FRMPD4: variants seen among roughly 807,000 people sequenced by gnomAD.
FRMPD4 encodes the protein FERM and PDZ domain containing 4.
In FRMPD4, 22 loss-of-function variants were observed where a neutral mutation model predicts 94.1. The ratio of observed to expected loss-of-function variants is 0.23; its 90% confidence interval spans 0.17 to 0.33. The LOEUF is 0.33. Ranked by LOEUF, FRMPD4 falls within the 10% of genes least tolerant of loss-of-function variation. FRMPD4 has a pLI of 1.00. For missense variants in FRMPD4, 1,111 were observed against 1,339.9 expected (o/e 0.83, Z 2.67); for synonymous variants, 631 against 548.6 (o/e 1.15, Z -2.10).
At chrX:11,986,092 C>T (rs1380442130) in intron 3 of FRMPD4, among the ~76,000 whole-genome samples, 1 of 112,245 alleles carries the variant, frequency 8.9e-6, no homozygotes, top group Non-Finnish European at 1.9e-5. Flanking sequence ...TTGAGCAACA[C>T]TCAGTACTGT....
intron 1 of FRMPD4, among the ~76,000 whole-genome samples, chrX:12,312,186 A>ATATT (rs1044198113): frequency 1.2e-5 from 1 of 82,710 alleles, no homozygotes; most frequent in Non-Finnish European, 2.5e-5. Context: ...ATTAGTTTTT[A>ATATT]TATTTTTATT....
intron 3 of FRMPD4, among the ~76,000 whole-genome samples, chrX:11,903,841 G>A (rs746929625): frequency 1.8e-5 from 2 of 111,881 alleles, no homozygotes; most frequent in Admixed American, 9.5e-5. Context: ...GTGCAGTAGC[G>A]TGATCATGGC....
At chrX:12,541,136 A>G in intron 2 of FRMPD4, among the ~76,000 whole-genome samples, 1 of 112,410 alleles carries the variant, frequency 8.9e-6, no homozygotes, top group East Asian at 2.8e-4. Flanking sequence ...AAGAGAAAGC[A>G]GGGAAGATCT....
intron 1 of FRMPD4, among the ~76,000 whole-genome samples, chrX:12,374,743 G>A (rs1263953139): frequency 9.0e-6 from 1 of 111,416 alleles, no homozygotes; most frequent in African/African-American, 3.3e-5. Flanking sequence ...GACAGTTGAT[G>A]GGTGGTGCTG....
At chrX:12,131,421 A>T (rs2055551833) in intron 3 of FRMPD4, among the ~76,000 whole-genome samples, 1 of 112,006 alleles carries the variant, frequency 8.9e-6, no homozygotes, top group Non-Finnish European at 1.9e-5. Flanking sequence ...AAGGGGAAGG[A>T]AACGAGAACA....
At chrX:12,403,065 G>A (rs2056626382) in intron 1 of FRMPD4, among the ~76,000 whole-genome samples, 2 of 110,764 alleles carry the variant, frequency 1.8e-5, no homozygotes, top group Admixed American at 1.9e-4. Flanking sequence ...GGGCTTCAGT[G>A]CTTCCCCCTT....
Position 12,359,845 on chromosome X carries a change from G to A in FRMPD4, c.42-138835G>A, listed in dbSNP as rs777415114. ...TTCCTCTTTCCTTTCTCACACTTAT[G>A]CAGTTGGTTATAGTTCATCTATTGG... On this transcript the variant is annotated intron_variant, in intron 1 of 16. Transcript: ENST00000675598. 1.6e-4 allele frequency among the ~76,000 whole-genome samples: 18 copies of A among 111,354 alleles called. No individual in the cohort carries two copies. The South Asian group carries it at 4.2e-3, about 26-fold the overall frequency.
chrX:12,543,679 C>G (rs1168884496), intron 2 of FRMPD4, among the ~76,000 whole-genome samples: 1 of 111,810 alleles, frequency 8.9e-6, no homozygotes, highest in Non-Finnish European at 1.9e-5. Context: ...GACAGTGTGG[C>G]AATTCCTCAA....
intron 1 of FRMPD4, among the ~76,000 whole-genome samples, chrX:12,455,429 G>C (rs1459669342): frequency 2.7e-5 from 3 of 111,962 alleles, no homozygotes; most frequent in Non-Finnish European, 5.6e-5. Context: ...TCTGGTGATA[G>C]ATTGCTATTG....
chrX:11,934,285 A>C (rs1042672559), intron 3 of FRMPD4, among the ~76,000 whole-genome samples: 2 of 112,150 alleles, frequency 1.8e-5, no homozygotes, highest in Admixed American at 1.9e-4. Flanking sequence ...TTGAGTTCTC[A>C]CATAAGCAGT....
chrX:12,228,462 A>G (rs773030653), intron 1 of FRMPD4, among the ~76,000 whole-genome samples: 1 of 112,269 alleles, frequency 8.9e-6, no homozygotes, highest in Admixed American at 9.5e-5. Flanking sequence ...AGTGATACCC[A>G]TTGCTTTACT....
In FRMPD4 at chrX:12,212,950, C is replaced by A. The variant is rs35341340; in HGVS notation, c.41+73938C>A. On this transcript the variant is annotated intron_variant, in intron 1 of 16. Coordinates refer to ENST00000675598, the MANE Select transcript of FRMPD4 (RefSeq NM_001368397.1). ...TGTTTGTGGGTAAGAACAAAGGACCCTTGATTTCTTTCATGTAAATTGTAC... is the reference window on the plus strand; with the variant it reads ...TGTTTGTGGGTAAGAACAAAGGACCATTGATTTCTTTCATGTAAATTGTAC... 2.7e-5 allele frequency among the ~76,000 whole-genome samples: 3 copies of A among 110,434 alleles called. No homozygotes were observed. The East Asian group carries it at 8.6e-4, about 32-fold the overall frequency.
intron 2 of FRMPD4, among the ~76,000 whole-genome samples, chrX:12,534,976 G>A (rs956263642): frequency 9.0e-6 from 1 of 111,574 alleles, no homozygotes; most frequent in African/African-American, 3.3e-5. Context: ...GTTTGGCTGT[G>A]TCCCCACCCA....
intron 4 of FRMPD4, among the ~76,000 whole-genome samples, chrX:12,652,472 A>T (rs2059604997): frequency 8.9e-6 from 1 of 111,828 alleles, no homozygotes; most frequent in South Asian, 3.8e-4. Flanking sequence ...CTATTTTCAA[A>T]ACTTTTTTAG....
chrX:12,237,196 A>G (rs1202020102), intron 1 of FRMPD4, among the ~76,000 whole-genome samples: 2 of 112,445 alleles, frequency 1.8e-5, no homozygotes, highest in African/African-American at 6.5e-5. Flanking sequence ...ATGACTTTAC[A>G]TTTAAGAAAT....
At chrX:12,565,219 A>C (rs762088328) in intron 2 of FRMPD4, among the ~76,000 whole-genome samples, 99 of 112,084 alleles carry the variant, frequency 8.8e-4, no homozygotes, top group Non-Finnish European at 1.6e-3. Context: ...CTTGCAGAAA[A>C]ATTCCAAATA....
At chrX:12,229,818 CTT>C (rs2056964161) in intron 1 of FRMPD4, among the ~76,000 whole-genome samples, 1 of 112,195 alleles carries the variant, frequency 8.9e-6, no homozygotes, top group Admixed American at 9.5e-5. Flanking sequence ...GCTTCCATTT[CTT>C]TGTTTGTTAA....
intron 3 of FRMPD4, among the ~76,000 whole-genome samples, chrX:12,016,879 C>T (rs1041391151): frequency 3.8e-4 from 43 of 111,936 alleles, no homozygotes; most frequent in African/African-American, 1.4e-3. Context: ...ATGAAGCAAG[C>T]CAAAGCCTCT....
rs759708052 is a variant in FRMPD4, at chrX:12,716,309, C to T, written c.1850C>T (p.Pro617Leu). 7.8e-5 allele frequency: 94 copies of T among 1,209,501 alleles called. 2 individuals are homozygous for T. In the East Asian group the frequency reaches 2.7e-3, roughly 35 times the overall value. ...CAGCTGAGCCAGCCCGGGGAGGCCC[C>T]CTGTGAGGCAGACTACAGAAGTCTA... Reference protein sequence around the residue: ...NQQLSQPGEAPCEADYRSLAQ... With the variant: ...NQQLSQPGEALCEADYRSLAQ... The change falls in exon 15 of 17, where the codon CCC becomes CTC. Residue 617 changes from proline (P) to leucine (L), a missense_variant. Physicochemically the swap from Pro to Leu is moderately conservative, Grantham distance 98. Around this residue, in one of 8 missense-constraint regions of FRMPD4, gnomAD observed 192 missense variants for 192.5 expected, o/e 1.00. Transcript: ENST00000675598.
Sources: allele counts gnomAD v4.1 joint callset (sites outside exome capture counted in the v4.1 genomes callset), GRCh38; gene constraint gnomAD v4.1.1; regional missense constraint gnomAD v4.1.1; transcripts MANE v1.5; gene names NCBI Gene and HGNC (gene_info 2026-07-23, HGNC 2026-07-21).